DTNB: variants seen among roughly 807,000 people sequenced by gnomAD.
DTNB encodes DTN-B.
In DTNB, 63 loss-of-function variants were observed where a neutral mutation model predicts 90.7. The observed-to-expected ratio is 0.69, with a 90% CI of 0.57 to 0.86. DTNB has a LOEUF of 0.86. DTNB is among the 40% of genes least tolerant of loss of function. The probability of loss-of-function intolerance (pLI) is 0.00; values close to 1 mark genes in which losing one functional copy is unlikely to be tolerated. For synonymous variants in DTNB, 277 were observed against 286.7 expected, an observed-to-expected ratio of 0.97 and a Z score of 0.34; for missense variants, 744 against 807.1, an observed-to-expected ratio of 0.92 and a Z score of 0.95.
intron 9 of DTNB, among the ~76,000 whole-genome samples, chr2:25,488,366 C>G (rs2066637430): frequency 6.6e-6 from 1 of 151,984 alleles, no homozygotes; most frequent in Non-Finnish European, 1.5e-5. Flanking sequence ...GGTAAAATAT[C>G]CAAACTAGAA....
At chr2:25,599,187 T>C (rs955998560) in intron 5 of DTNB, 21 of 150,430 alleles carry the variant, frequency 1.4e-4, no homozygotes, top group African/African-American at 4.9e-4. Context: ...GAACTGCAGT[T>C]GATGGCAAAC....
chr2:25,506,964 G>T (rs1474401752), intron 9 of DTNB, among the ~76,000 whole-genome samples: 3 of 152,022 alleles, frequency 2.0e-5, no homozygotes, highest in Non-Finnish European at 4.4e-5. Context: ...CATGTGTTTA[G>T]AAATTTTAGA....
At chr2:25,388,647 C>T (rs2040219333) in intron 16 of DTNB, 1 of 352,176 alleles carries the variant, frequency 2.8e-6, no homozygotes, top group East Asian at 5.1e-5. Flanking sequence ...ACAGAGTGAG[C>T]TGCGTGACTG....
intron 16 of DTNB, among the ~76,000 whole-genome samples, chr2:25,399,660 G>C: frequency 6.6e-6 from 1 of 152,124 alleles, no homozygotes; most frequent in Admixed American, 6.6e-5. Flanking sequence ...CTTTATGTGA[G>C]ATACTTTAAC....
At chr2:25,601,273 A>G (rs2065826016) in intron 5 of DTNB, among the ~76,000 whole-genome samples, 1 of 152,182 alleles carries the variant, frequency 6.6e-6, no homozygotes, top group African/African-American at 2.4e-5. Flanking sequence ...AAGGGACTAA[A>G]TTACTTCCCA....
At chr2:25,604,871 C>T (rs1055495284) in intron 5 of DTNB, among the ~76,000 whole-genome samples, 2 of 152,138 alleles carry the variant, frequency 1.3e-5, no homozygotes, top group Non-Finnish European at 2.9e-5. Flanking sequence ...CAGGCGGGAG[C>T]CACTGCACCC....
rs545112551 is a variant in DTNB at position 25,389,069 on chromosome 2, A to C, written c.1576-708T>G. Among the ~76,000 whole-genome samples, 3 of 152,152 alleles carry C rather than the reference A, an allele frequency of 2.0e-5. No homozygotes were observed. In the East Asian group the frequency reaches 5.8e-4, roughly 29 times the overall value. On this transcript the variant is annotated intron_variant, in intron 16 of 20. Coordinates refer to ENST00000406818, the MANE Select transcript of DTNB (RefSeq NM_021907.5). ...CAACACGTTGTCCAGGTTGGTCTTT[A>C]ACTCCTGAGCTCATGCAATCTGCTC...
At chr2:25,525,903 AAG>A (rs1461300940) in intron 9 of DTNB, among the ~76,000 whole-genome samples, 1 of 152,082 alleles carries the variant, frequency 6.6e-6, no homozygotes, top group African/African-American at 2.4e-5. Context: ...GACTGGTTGA[AAG>A]AATGGATAAG....
At chr2:25,668,876 C>T (rs1167584296) in intron 1 of DTNB, among the ~76,000 whole-genome samples, 3 of 152,138 alleles carry the variant, frequency 2.0e-5, no homozygotes, top group Non-Finnish European at 4.4e-5. Flanking sequence ...GGGAAACAAC[C>T]CAAATGTCCA....
intron 12 of DTNB, among the ~76,000 whole-genome samples, chr2:25,437,261 T>G (rs1324275216): frequency 6.6e-6 from 1 of 151,950 alleles, no homozygotes. Context: ...CTTTTATCTA[T>G]GTACTTTTTT....
intron 9 of DTNB, among the ~76,000 whole-genome samples, chr2:25,518,927 A>G (rs1007965280): frequency 6.6e-6 from 1 of 152,162 alleles, no homozygotes; most frequent in African/African-American, 2.4e-5. Flanking sequence ...GCTGTGACCT[A>G]ATGGCCTTCA....
intron 4 of DTNB, among the ~76,000 whole-genome samples, chr2:25,618,495 A>C (rs2071452772): frequency 6.6e-6 from 1 of 152,202 alleles, no homozygotes. Flanking sequence ...TTTATACCAG[A>C]ATCAATTCTC....
At chr2:25,579,976 C>CTTTTTTTTTTTTTTTTTTTTTTTTTTTT (rs59639406) in intron 7 of DTNB, among the ~76,000 whole-genome samples, 1 of 52,964 alleles carries the variant, frequency 1.9e-5, no homozygotes, top group Non-Finnish European at 3.3e-5. Flanking sequence ...AGTATCCTTT[C>CTTTTTTTTTTTTTTTTTTTTTTTTTTTT]TTTTTTTTTT....
chr2:25,532,646 G>C (rs893652553), intron 8 of DTNB, among the ~76,000 whole-genome samples: 7 of 152,238 alleles, frequency 4.6e-5, no homozygotes, highest in Admixed American at 1.3e-4. Context: ...TTTAAAGGAG[G>C]CTCCTTTTAT....
chr2:25,437,378 C>T (rs1335576270), intron 12 of DTNB, among the ~76,000 whole-genome samples: 1 of 152,014 alleles, frequency 6.6e-6, no homozygotes, highest in Non-Finnish European at 1.5e-5. Context: ...TTTCCTGCCT[C>T]AGCCTCCTGA....
intron 8 of DTNB, among the ~76,000 whole-genome samples, chr2:25,541,771 T>C (rs1399446273): frequency 6.6e-6 from 1 of 152,186 alleles, no homozygotes; most frequent in African/African-American, 2.4e-5. Flanking sequence ...TTTGGTTATA[T>C]ACCCATAAGT....
chr2:25,553,798 C>G (rs1359984050), intron 8 of DTNB, among the ~76,000 whole-genome samples: 1 of 145,924 alleles, frequency 6.9e-6, no homozygotes, highest in African/African-American at 2.5e-5. Flanking sequence ...GTTCACATAT[C>G]TGAAACATGC....
At chr2:25,610,213 C>T (rs1220008902) in intron 4 of DTNB, among the ~76,000 whole-genome samples, 1 of 152,186 alleles carries the variant, frequency 6.6e-6, no homozygotes, top group Non-Finnish European at 1.5e-5. Flanking sequence ...TGGGCTCAAA[C>T]AATCCTCCCA....
chr2:25,668,926 T>C (rs1053323572), intron 1 of DTNB, among the ~76,000 whole-genome samples: 7 of 152,252 alleles, frequency 4.6e-5, no homozygotes, highest in Admixed American at 1.3e-4. Context: ...ATTCATACCA[T>C]GGAATATTAT....
Sources: gnomAD v4.1 joint callset for allele counts (sites outside exome capture counted in the v4.1 genomes callset) on GRCh38, gnomAD v4.1.1 for gene constraint, MANE v1.5 for transcripts, NCBI Gene and HGNC (gene_info 2026-07-23, HGNC 2026-07-21) for gene names.